Variants in ARNT2 observed in about 807,000 individuals in gnomAD.
ARNT2 encodes the protein ARNT protein 2.
A neutral mutation model predicts 91.7 loss-of-function variants in ARNT2; 36 were observed. The observed-to-expected ratio is 0.39, with a 90% CI of 0.30 to 0.52. The LOEUF (loss-of-function observed/expected upper bound fraction) is 0.52. ARNT2 is among the 20% of genes least tolerant of loss of function. ARNT2 has a pLI of 0.72. For missense variants in ARNT2, 775 were observed against 939.3 expected, an observed-to-expected ratio of 0.83 and a Z score of 2.29; for synonymous variants, 365 against 347.1, an observed-to-expected ratio of 1.05 and a Z score of -0.57.
chr15:80,558,614 A>G (rs1483783709), intron 11 of ARNT2, among the ~76,000 whole-genome samples: 4 of 152,168 alleles, frequency 2.6e-5, no homozygotes. Flanking sequence ...TGCTGGGATT[A>G]CAGGCATGAG....
At chr15:80,431,986 C>T (rs965415107) in intron 1 of ARNT2, among the ~76,000 whole-genome samples, 2 of 152,210 alleles carry the variant, frequency 1.3e-5, no homozygotes, top group African/African-American at 4.8e-5. Flanking sequence ...CCAGGACAAG[C>T]TCAGGTATGT....
intron 1 of ARNT2, among the ~76,000 whole-genome samples, chr15:80,419,103 G>A (rs188322951): frequency 3.4e-4 from 51 of 152,236 alleles, no homozygotes; most frequent in African/African-American, 1.1e-3. Context: ...CCACTAGATG[G>A]CGTGGTCAAA....
At chr15:80,454,997 G>T (rs1896460778) in intron 2 of ARNT2, among the ~76,000 whole-genome samples, 1 of 152,140 alleles carries the variant, frequency 6.6e-6, no homozygotes, top group Non-Finnish European at 1.5e-5. Flanking sequence ...GTCATATTTT[G>T]ATTTCTCTCC....
intron 5 of ARNT2, among the ~76,000 whole-genome samples, chr15:80,476,893 C>A (rs184184825): frequency 6.6e-6 from 1 of 152,034 alleles, no homozygotes; most frequent in African/African-American, 2.4e-5. Flanking sequence ...ATTGTAATTC[C>A]CAATGTTGGG....
intron 1 of ARNT2, among the ~76,000 whole-genome samples, chr15:80,414,646 G>T (rs147425814): frequency 6.6e-6 from 1 of 152,290 alleles, no homozygotes; most frequent in African/African-American, 2.4e-5. Context: ...CCCATCAGCA[G>T]TTTGAAATGA....
chr15:80,410,756 TTATCTATCTATCTATCTATCTATC>T (rs71153533), intron 1 of ARNT2, among the ~76,000 whole-genome samples: 151 of 144,150 alleles, frequency 1.0e-3, no homozygotes, highest in African/African-American at 1.8e-3. Context: ...CCATTCATTT[TTATCTATCTATCTATCTATCTATC>T]TATCTATCTA....
chr15:80,574,315 A>G (rs1898631896), intron 13 of ARNT2, 95 bp downstream of exon 13: 1 of 1,229,358 alleles, frequency 8.1e-7, no homozygotes, highest in Admixed American at 1.7e-5. Context: ...CCTCAACACA[A>G]AGGATTGCCC....
At chr15:80,515,477 C>T (rs1477004317) in intron 8 of ARNT2, among the ~76,000 whole-genome samples, 1 of 152,144 alleles carries the variant, frequency 6.6e-6, no homozygotes, top group Non-Finnish European at 1.5e-5. Context: ...TGAACAGAGT[C>T]AGACACAAAA....
chr15:80,558,954 G>A (rs1193211478), intron 11 of ARNT2, among the ~76,000 whole-genome samples: 1 of 152,170 alleles, frequency 6.6e-6, no homozygotes, highest in African/African-American at 2.4e-5. Context: ...CCAGTAACTG[G>A]CCAGACCCAT....
chr15:80,459,870 C>T (rs1896528947), intron 3 of ARNT2, among the ~76,000 whole-genome samples: 1 of 152,206 alleles, frequency 6.6e-6, no homozygotes, highest in Non-Finnish European at 1.5e-5. Context: ...GCCCAGAGGT[C>T]ACCTAGGCTT....
intron 1 of ARNT2, among the ~76,000 whole-genome samples, chr15:80,438,829 A>G (rs1037649382): frequency 6.6e-6 from 1 of 152,180 alleles, no homozygotes. Flanking sequence ...AGCTAGGATT[A>G]TAGGCACACG....
intron 8 of ARNT2, 57 bp downstream of exon 8, chr15:80,514,462 T>C (rs1897398797): frequency 6.9e-7 from 1 of 1,452,860 alleles, no homozygotes; most frequent in African/African-American, 1.4e-5. Flanking sequence ...TACCTGACCA[T>C]GGTGTCCTGT....
chr15:80,431,536 G>A (rs1224334263), intron 1 of ARNT2, among the ~76,000 whole-genome samples: 6 of 152,162 alleles, frequency 3.9e-5, no homozygotes, highest in South Asian at 2.1e-4. Context: ...TCCAAGTCCC[G>A]AAGCCATTCC....
At chr15:80,505,019 G>C (rs765990585) in intron 5 of ARNT2, among the ~76,000 whole-genome samples, 1 of 152,180 alleles carries the variant, frequency 6.6e-6, no homozygotes, top group Non-Finnish European at 1.5e-5. Flanking sequence ...ACAACTAAGA[G>C]TGGAGAACAT....
intron 16 of ARNT2, 78 bp from the exon 17 acceptor site, chr15:80,581,161 G>A (rs758487084): frequency 3.2e-6 from 5 of 1,556,564 alleles, no homozygotes; most frequent in Non-Finnish European, 4.4e-6. Context: ...CTGCCCCTGC[G>A]ACCAGCCTGG....
chr15:80,517,526 T>C (rs1318644817), intron 8 of ARNT2, among the ~76,000 whole-genome samples: 3 of 152,144 alleles, frequency 2.0e-5, no homozygotes, highest in Non-Finnish European at 4.4e-5. Context: ...TCAGACATCA[T>C]TTAAAAAATA....
At chr15:80,568,298 C>G (rs1168765394) in intron 12 of ARNT2, among the ~76,000 whole-genome samples, 1 of 152,210 alleles carries the variant, frequency 6.6e-6, no homozygotes, top group Non-Finnish European at 1.5e-5. Context: ...GACCTAGCTG[C>G]TGTGCTTTCT....
chr15:80,413,232 G>A (rs1895713509), intron 1 of ARNT2, among the ~76,000 whole-genome samples: 1 of 152,224 alleles, frequency 6.6e-6, no homozygotes, highest in Admixed American at 6.5e-5. Flanking sequence ...GTTCTCATCT[G>A]AGGCCCCATT....
At chr15:80,406,628 G>T (rs1264104011) in intron 1 of ARNT2, among the ~76,000 whole-genome samples, 2 of 152,184 alleles carry the variant, frequency 1.3e-5, no homozygotes, top group Non-Finnish European at 2.9e-5. Flanking sequence ...CTGGCCCCGT[G>T]GTGTGAAGCA....
Sources: gnomAD v4.1 joint callset for allele counts (sites outside exome capture counted in the v4.1 genomes callset) on GRCh38, gnomAD v4.1.1 for gene constraint, MANE v1.5 for transcripts, NCBI Gene and HGNC (gene_info 2026-07-23, HGNC 2026-07-21) for gene names.